Variants in PKIG observed in about 807,000 individuals in gnomAD.
The protein encoded by PKIG is cAMP-dependent protein kinase inhibitor gamma, also known as protein kinase (cAMP-dependent, catalytic) inhibitor gamma.
Under a neutral mutation model 6.8 loss-of-function variants are expected in PKIG, and 1 was observed. The observed-to-expected ratio is 0.15, with a 90% CI of 0.05 to 0.69. PKIG has a LOEUF of 0.69. PKIG is among the 30% of genes least tolerant of loss of function. The probability of loss-of-function intolerance (pLI) is 0.82; values close to 1 mark genes in which losing one functional copy is unlikely to be tolerated. For synonymous variants in PKIG, 39 were observed against 43.0 expected, an observed-to-expected ratio of 0.91 and a Z score of 0.36; for missense variants, 77 against 104.0, an observed-to-expected ratio of 0.74 and a Z score of 1.13.
At chr20:44,549,142 ATTT>A (rs1990671938) in intron 1 of PKIG, among the ~76,000 whole-genome samples, 1 of 152,092 alleles carries the variant, frequency 6.6e-6, no homozygotes, top group Admixed American at 6.5e-5. Context: ...TAAAAGTTTG[ATTT>A]TTGCTTTTTC....
intron 1 of PKIG, among the ~76,000 whole-genome samples, chr20:44,572,195 A>G (rs553166019): frequency 3.3e-5 from 5 of 152,234 alleles, no homozygotes; most frequent in South Asian, 4.1e-4. Context: ...TAGTAGACAC[A>G]GGGTTTCACC....
intron 2 of PKIG, among the ~76,000 whole-genome samples, chr20:44,608,945 T>A (rs1433934768): frequency 2.0e-5 from 3 of 152,208 alleles, no homozygotes; most frequent in African/African-American, 4.8e-5. Flanking sequence ...GGATACACAC[T>A]GTCAAGTCAC....
intron 1 of PKIG, among the ~76,000 whole-genome samples, chr20:44,587,124 A>C (rs537216654): frequency 6.6e-6 from 1 of 152,354 alleles, no homozygotes; most frequent in East Asian, 1.9e-4. Flanking sequence ...ACTGAACTAG[A>C]GGACCAGGGT....
At chr20:44,569,127 C>G (rs534607574) in intron 1 of PKIG, among the ~76,000 whole-genome samples, 4 of 152,328 alleles carry the variant, frequency 2.6e-5, no homozygotes, top group African/African-American at 9.6e-5. Context: ...CAGCACATAT[C>G]GTCAAATTGC....
chr20:44,609,396 G>A (rs143884699), intron 2 of PKIG, among the ~76,000 whole-genome samples: 1 of 152,296 alleles, frequency 6.6e-6, no homozygotes, highest in East Asian at 1.9e-4. Flanking sequence ...CATGGTGTCA[G>A]GTCCTAGGAC....
intron 1 of PKIG, among the ~76,000 whole-genome samples, chr20:44,551,430 A>G (rs1368622207): frequency 6.6e-6 from 1 of 152,208 alleles, no homozygotes; most frequent in Non-Finnish European, 1.5e-5. Context: ...GTACTTTGCT[A>G]CAGACAAAAA....
At chr20:44,583,785 C>T (rs898691485) in intron 1 of PKIG, among the ~76,000 whole-genome samples, 1 of 152,172 alleles carries the variant, frequency 6.6e-6, no homozygotes, top group African/African-American at 2.4e-5. Context: ...GTCCATATTT[C>T]TTTTCCCTTT....
At chr20:44,538,779 A>G (rs779557353) in intron 1 of PKIG, among the ~76,000 whole-genome samples, 7 of 152,148 alleles carry the variant, frequency 4.6e-5, no homozygotes, top group Admixed American at 3.3e-4. Context: ...CAATTTTATA[A>G]ATGTCTTTCT....
At chr20:44,552,712 G>T (rs559022005) in intron 1 of PKIG, among the ~76,000 whole-genome samples, 6 of 152,304 alleles carry the variant, frequency 3.9e-5, no homozygotes, top group African/African-American at 1.4e-4. Context: ...GTTTAAAGAT[G>T]AATTGTATGA....
chr20:44,589,354 T>C (rs1250333007), intron 1 of PKIG, among the ~76,000 whole-genome samples: 2 of 152,072 alleles, frequency 1.3e-5, no homozygotes, highest in African/African-American at 2.4e-5. Flanking sequence ...AAAAAGAAAA[T>C]GTAAAGTTCT....
At chr20:44,550,242 T>A (rs1459650148) in intron 1 of PKIG, among the ~76,000 whole-genome samples, 1 of 151,458 alleles carries the variant, frequency 6.6e-6, no homozygotes, top group Non-Finnish European at 1.5e-5. Context: ...AAAAATTGAA[T>A]TAAAAGATAA....
chr20:44,568,677 C>T (rs932559095), intron 1 of PKIG, among the ~76,000 whole-genome samples: 1 of 152,112 alleles, frequency 6.6e-6, no homozygotes, highest in Non-Finnish European at 1.5e-5. Flanking sequence ...TCTTGAACTC[C>T]TGACCTTGTG....
At chr20:44,617,260 A>G (rs2065273571) in intron 3 of PKIG, among the ~76,000 whole-genome samples, 1 of 152,168 alleles carries the variant, frequency 6.6e-6, no homozygotes, top group Non-Finnish European at 1.5e-5. Flanking sequence ...ATTTGAACTC[A>G]GGCCCTCAGT....
intron 1 of PKIG, among the ~76,000 whole-genome samples, chr20:44,545,878 G>A (rs2064609337): frequency 6.6e-6 from 1 of 152,016 alleles, no homozygotes; most frequent in African/African-American, 2.4e-5. Context: ...TATCATTCCA[G>A]TAAAAACTGA....
chr20:44,547,013 G>T (rs1047061980), intron 1 of PKIG, among the ~76,000 whole-genome samples: 1 of 152,070 alleles, frequency 6.6e-6, no homozygotes, highest in African/African-American at 2.4e-5. Flanking sequence ...AATTACCTTT[G>T]TGTTTATTTT....
chr20:44,537,460 C>A (rs1226984096), intron 1 of PKIG, among the ~76,000 whole-genome samples: 2 of 152,064 alleles, frequency 1.3e-5, no homozygotes, highest in Non-Finnish European at 2.9e-5. Flanking sequence ...GTCTTGACTC[C>A]TGACCTCAAG....
chr20:44,554,538 A>T (rs992584666), intron 1 of PKIG, among the ~76,000 whole-genome samples: 11 of 152,126 alleles, frequency 7.2e-5, no homozygotes, highest in Non-Finnish European at 1.2e-4. Flanking sequence ...TCCAGACTTG[A>T]TGCTAATTGC....
chr20:44,549,452 T>G (rs1252077120), intron 1 of PKIG, among the ~76,000 whole-genome samples: 1 of 152,188 alleles, frequency 6.6e-6, no homozygotes, highest in Non-Finnish European at 1.5e-5. Flanking sequence ...GATGTTTCTT[T>G]TCAAAAGCTC....
intron 2 of PKIG, among the ~76,000 whole-genome samples, chr20:44,591,198 G>T (rs955307913): frequency 6.6e-6 from 1 of 152,122 alleles, no homozygotes; most frequent in Middle Eastern, 3.2e-3. Context: ...CTGGGGGCTT[G>T]CGGAGCAGCA....
Sources: gnomAD v4.1 joint callset for allele counts (sites outside exome capture counted in the v4.1 genomes callset) on GRCh38, gnomAD v4.1.1 for gene constraint, MANE v1.5 for transcripts, NCBI Gene and HGNC (gene_info 2026-07-23, HGNC 2026-07-21) for gene names.